GRIK1: variants seen among roughly 807,000 people sequenced by gnomAD.
GRIK1 encodes the protein glutamate ionotropic receptor kainate type subunit 1.
GRIK1 carries 69 observed loss-of-function variants against 105.7 expected under a neutral mutation model. The ratio of observed to expected loss-of-function variants is 0.65; its 90% CI spans 0.54 to 0.80. GRIK1 has a LOEUF of 0.80. GRIK1 is among the 30% of genes least tolerant of loss of function. The pLI is 0.00. For missense variants in GRIK1, 1,109 were observed against 1,167.3 expected (o/e 0.95, Z 0.73); for synonymous variants, 438 against 431.3 (o/e 1.02, Z -0.19).
chr21:29,544,869 A>G (rs2090026281), intron 16 of GRIK1, among the ~76,000 whole-genome samples: 1 of 152,242 alleles, frequency 6.6e-6, no homozygotes, highest in Non-Finnish European at 1.5e-5. Context: ...ACCAAAGCCT[A>G]GATGCCAAGG....
chr21:29,686,454 G>C lies in GRIK1; in HGVS notation c.544+3274C>G, dbSNP rs191176188. On this transcript the variant is annotated intron_variant, in intron 3 of 17. Coordinates refer to ENST00000327783, the MANE Select transcript of GRIK1 (RefSeq NM_001330994.2). ...TGAAAACCCAGAAACCAAAACGAAG[G>C]AGTTTTGGATGTGAGCTGAACCCAC... 1.8e-3 allele frequency among the ~76,000 whole-genome samples: 275 copies of C among 152,272 alleles called. 5 individuals are homozygous for C. The highest frequency in any genetic ancestry group is 2.6e-4 in the Non-Finnish European group (18 of 68,016).
At position 29,878,212 on chromosome 21, in the gene GRIK1, T is replaced by A. The variant is rs552614888; in HGVS notation, c.118+61171A>T. Among the ~76,000 whole-genome samples the A allele has an allele frequency of 3.7e-4, 57 of 152,140 alleles. No individual in the cohort carries two copies. In the South Asian group the frequency reaches 0.012, roughly 31 times the overall value. On this transcript the variant is annotated intron_variant, in intron 1 of 17. Coordinates refer to ENST00000327783, the MANE Select transcript of GRIK1 (RefSeq NM_001330994.2). ...TGATTAAATGACTGCATTTGCTTGG[T>A]TTGTAGGTAGAAGACAGCAGGCAAA... is the stretch of plus-strand genomic sequence containing the variant.
chr21:29,863,091 T>C (rs1277494958), intron 1 of GRIK1, among the ~76,000 whole-genome samples: 5 of 152,250 alleles, frequency 3.3e-5, no homozygotes, highest in African/African-American at 1.2e-4. Context: ...TACTCAAATA[T>C]TCTACAAATA....
At chr21:29,894,284 A>C (rs1373490723) in intron 1 of GRIK1, among the ~76,000 whole-genome samples, 1 of 152,194 alleles carries the variant, frequency 6.6e-6, no homozygotes, top group Non-Finnish European at 1.5e-5. Flanking sequence ...CCCAAGTCCC[A>C]AAACCTCAAA....
At chr21:29,893,202 T>C (rs2069971265) in intron 1 of GRIK1, among the ~76,000 whole-genome samples, 1 of 152,264 alleles carries the variant, frequency 6.6e-6, no homozygotes, top group African/African-American at 2.4e-5. Flanking sequence ...ATTCATTCTT[T>C]TAGCACAAGC....
intron 4 of GRIK1, among the ~76,000 whole-genome samples, chr21:29,672,660 A>G (rs576117092): frequency 4.6e-4 from 70 of 152,074 alleles, no homozygotes; most frequent in African/African-American, 1.3e-3. Flanking sequence ...TTCAAGAGAC[A>G]TAAGAGAGAG....
At chr21:29,597,913 T>A (rs1169761903) in intron 8 of GRIK1, among the ~76,000 whole-genome samples, 3 of 152,192 alleles carry the variant, frequency 2.0e-5, no homozygotes, top group African/African-American at 4.8e-5. Flanking sequence ...TACCTCATTT[T>A]AAAAAATCAA....
chr21:29,878,925 G>T (rs2069292437), intron 1 of GRIK1, among the ~76,000 whole-genome samples: 1 of 152,106 alleles, frequency 6.6e-6, no homozygotes, highest in South Asian at 2.1e-4. Flanking sequence ...CCAGCGCCTT[G>T]ATCTTGGACT....
At chr21:29,655,682 T>C (rs1261267217) in intron 4 of GRIK1, among the ~76,000 whole-genome samples, 2 of 152,158 alleles carry the variant, frequency 1.3e-5, no homozygotes, top group Non-Finnish European at 2.9e-5. Context: ...CTCCCCCTTT[T>C]CCATGAGAAG....
chr21:29,613,209 T>C (rs1184664174), intron 7 of GRIK1, among the ~76,000 whole-genome samples: 1 of 152,108 alleles, frequency 6.6e-6, no homozygotes, highest in Non-Finnish European at 1.5e-5. Flanking sequence ...TCTCCTCAAC[T>C]CCCTTACAGA....
At chr21:29,547,115 CT>C (rs2090062371) in intron 16 of GRIK1, among the ~76,000 whole-genome samples, 1 of 151,978 alleles carries the variant, frequency 6.6e-6, no homozygotes, top group African/African-American at 2.4e-5. Flanking sequence ...TCTTTTTTGT[CT>C]TGTTTTACCT....
chr21:29,757,762 A>G (rs9977159), intron 1 of GRIK1, among the ~76,000 whole-genome samples: 11,837 of 152,224 alleles, frequency 0.078, 1,243 homozygotes, highest in African/African-American at 0.23. Flanking sequence ...ATACTGTGGA[A>G]GACAGTCCTA....
At chr21:29,741,930 A>G (rs1305939115) in intron 1 of GRIK1, among the ~76,000 whole-genome samples, 1 of 152,186 alleles carries the variant, frequency 6.6e-6, no homozygotes. Context: ...CTTTGCTGAG[A>G]GAAGGAAACA....
intron 1 of GRIK1, among the ~76,000 whole-genome samples, chr21:29,899,853 C>T (rs886815912): frequency 1.1e-4 from 17 of 152,006 alleles, no homozygotes; most frequent in African/African-American, 4.1e-4. Flanking sequence ...GAAGAATTAC[C>T]TTCCCAAATG....
At chr21:29,668,210 T>C (rs990762473) in intron 4 of GRIK1, among the ~76,000 whole-genome samples, 2 of 152,216 alleles carry the variant, frequency 1.3e-5, no homozygotes, top group Non-Finnish European at 2.9e-5. Context: ...TTCTGTCCTC[T>C]TGGAACTTAC....
At chr21:29,666,857 A>G (rs1490715876) in intron 4 of GRIK1, among the ~76,000 whole-genome samples, 1 of 152,226 alleles carries the variant, frequency 6.6e-6, no homozygotes, top group Non-Finnish European at 1.5e-5. Flanking sequence ...GTAGCAGAAG[A>G]GGTTACATTT....
intron 1 of GRIK1, among the ~76,000 whole-genome samples, chr21:29,756,136 C>A (rs1349037335): frequency 6.6e-6 from 1 of 152,196 alleles, no homozygotes; most frequent in African/African-American, 2.4e-5. Flanking sequence ...AATCCCAGCA[C>A]TTTGGGAGGC....
At chr21:29,781,500 T>A (rs2066098283) in intron 1 of GRIK1, among the ~76,000 whole-genome samples, 1 of 152,160 alleles carries the variant, frequency 6.6e-6, no homozygotes, top group Non-Finnish European at 1.5e-5. Flanking sequence ...CCCAAGCTGG[T>A]GAACATTCAA....
intron 1 of GRIK1, among the ~76,000 whole-genome samples, chr21:29,712,814 C>A (rs902747401): frequency 6.6e-6 from 1 of 152,116 alleles, no homozygotes; most frequent in Non-Finnish European, 1.5e-5. Context: ...CTTGTAACTT[C>A]TTTTGACCTC....
Sources: gnomAD v4.1 joint callset for allele counts (sites outside exome capture counted in the v4.1 genomes callset) on GRCh38, gnomAD v4.1.1 for gene constraint, MANE v1.5 for transcripts, NCBI Gene and HGNC (gene_info 2026-07-23, HGNC 2026-07-21) for gene names.